Variants in ATP6V0D1 observed in about 807,000 individuals in gnomAD.
ATP6V0D1 encodes ATPase H+ transporting V0 subunit d1.
A neutral mutation model predicts 39.0 loss-of-function variants in ATP6V0D1; 13 were observed. The ratio of observed to expected loss-of-function variants is 0.33; its 90% CI spans 0.22 to 0.53. The LOEUF is 0.53. Ranked by LOEUF, ATP6V0D1 falls within the 20% of genes least tolerant of loss-of-function variation. ATP6V0D1 has a pLI of 0.94. For synonymous variants in ATP6V0D1, 191 were observed against 191.2 expected (o/e 1.00, Z 0.01); for missense variants, 272 against 470.9 (o/e 0.58, Z 3.91).
intron 1 of ATP6V0D1, chr16:67,455,585 A>G (rs905762169): frequency 5.9e-5 from 9 of 152,120 alleles, no homozygotes; most frequent in Non-Finnish European, 1.3e-4. Flanking sequence ...CTTTTCTCCC[A>G]TGGCCACCCA....
At chr16:67,439,241 C>T in intron 5 of ATP6V0D1, 33 bp downstream of exon 5, 2 of 1,614,042 alleles carry the variant, frequency 1.2e-6, no homozygotes, top group South Asian at 2.2e-5. Context: ...GGCTAGCGGG[C>T]ACCAGCAGGC....
In ATP6V0D1 at chr16:67,444,484, G is replaced by T; in HGVS notation, c.481+44C>A. 6.5e-7 allele frequency: 1 copy of T among 1,547,842 alleles called. No homozygotes were observed. ...ACAAACCCCACCCTGATGCGCTGAT[G>T]CTGACACCACTGCCCACCTCCCATG... On this transcript the variant is annotated intron_variant, in intron 3 of 7. Transcript: ENST00000290949. The surrounding 1 kb of genome is among the most constrained non-coding windows in gnomAD (Gnocchi z 4.8).
At chr16:67,446,744 C>T (rs932911717) in intron 2 of ATP6V0D1, among the ~76,000 whole-genome samples, 2 of 152,186 alleles carry the variant, frequency 1.3e-5, no homozygotes, top group African/African-American at 4.8e-5. Context: ...CTTGGTGCTC[C>T]CTGAGACAGT....
intron 1 of ATP6V0D1, among the ~76,000 whole-genome samples, chr16:67,463,762 C>T (rs2041307761): frequency 6.6e-6 from 1 of 152,212 alleles, no homozygotes; most frequent in African/African-American, 2.4e-5. Flanking sequence ...AGGACCCCAC[C>T]CACCCTGCCT....
intron 1 of ATP6V0D1, among the ~76,000 whole-genome samples, chr16:67,480,254 G>A (rs2041457158): frequency 6.6e-6 from 1 of 150,952 alleles, no homozygotes; most frequent in East Asian, 1.9e-4. Flanking sequence ...TGTGTGCTGA[G>A]AAGAAAGGGG....
At chr16:67,460,188 G>C (rs570644621) in intron 1 of ATP6V0D1, among the ~76,000 whole-genome samples, 1 of 152,336 alleles carries the variant, frequency 6.6e-6, no homozygotes, top group East Asian at 1.9e-4. Flanking sequence ...GCCTGGCTGA[G>C]AAGTCGGCTT....
chr16:67,453,571 G>A lies in ATP6V0D1; in HGVS notation c.275C>T (p.Pro92Leu). The A allele has an allele frequency of 6.2e-7, 1 of 1,614,184 alleles. No individual in the cohort carries two copies. The highest frequency in any genetic ancestry group is 8.5e-7 in the Non-Finnish European group (1 of 1,180,028). ...AATGAAGTCTAGGAAGCTGGCGAGTGGCTCATAGGCATGGTTCCTCATGTG... is the reference window on the plus strand; with the variant it reads ...AATGAAGTCTAGGAAGCTGGCGAGTAGCTCATAGGCATGGTTCCTCATGTG... ...FRHMRNHAYE[P>L]LASFLDFITY... Residue 92 changes from proline (P) to leucine (L), a missense_variant, in exon 2 of 8, where the codon CCA becomes CTA. By Grantham distance (98) the Pro-to-Leu change is moderately conservative. Coordinates refer to ENST00000290949, the MANE Select transcript of ATP6V0D1 (RefSeq NM_004691.5). The surrounding 1 kb of genome is among the most constrained non-coding windows in gnomAD (Gnocchi z 4.1).
At chr16:67,442,011 A>T (rs548766464) in intron 4 of ATP6V0D1, among the ~76,000 whole-genome samples, 1 of 152,290 alleles carries the variant, frequency 6.6e-6, no homozygotes, top group Non-Finnish European at 1.5e-5. Flanking sequence ...TTTCTTCTAG[A>T]CTTCTCCCCT....
intron 2 of ATP6V0D1, among the ~76,000 whole-genome samples, chr16:67,449,537 G>A (rs1185494199): frequency 6.6e-6 from 1 of 152,242 alleles, no homozygotes; most frequent in African/African-American, 2.4e-5. Flanking sequence ...AGCACATGAC[G>A]ACAGTCTACT....
At chr16:67,480,653 T>G (rs2142340871) in intron 1 of ATP6V0D1, among the ~76,000 whole-genome samples, 1 of 152,102 alleles carries the variant, frequency 6.6e-6, no homozygotes, top group Middle Eastern at 3.4e-3. Context: ...TGGCCACACC[T>G]CGCACCGACC....
intron 1 of ATP6V0D1, among the ~76,000 whole-genome samples, chr16:67,470,928 C>T (rs1458900460): frequency 6.6e-6 from 1 of 152,168 alleles, no homozygotes; most frequent in African/African-American, 2.4e-5. Flanking sequence ...TCCTTCATCC[C>T]CCCTCATTCC....
intron 1 of ATP6V0D1, among the ~76,000 whole-genome samples, chr16:67,471,426 G>A (rs941934598): frequency 1.3e-5 from 2 of 152,028 alleles, no homozygotes; most frequent in African/African-American, 2.4e-5. Flanking sequence ...CTGACCTCAA[G>A]CGATCTACCT....
intron 1 of ATP6V0D1, among the ~76,000 whole-genome samples, chr16:67,466,378 A>ACACAC (rs1429363816): frequency 7.4e-6 from 1 of 134,388 alleles, no homozygotes; most frequent in African/African-American, 2.8e-5. Context: ...CACACACACA[A>ACACAC]AATTAGCCAG....
chr16:67,476,102 G>A (rs367774444), intron 1 of ATP6V0D1, among the ~76,000 whole-genome samples: 2 of 152,166 alleles, frequency 1.3e-5, no homozygotes, highest in African/African-American at 2.4e-5. Context: ...TAGGCCTGTA[G>A]TCACAGCTAC....
At chr16:67,455,339 C>G (rs966040884) in intron 1 of ATP6V0D1, 4 of 152,326 alleles carry the variant, frequency 2.6e-5, no homozygotes, top group Non-Finnish European at 5.9e-5. Context: ...TGTACTCCAT[C>G]AGGAGAAGAC....
intron 1 of ATP6V0D1, among the ~76,000 whole-genome samples, chr16:67,463,523 TGAAAGAAACAAA>T: frequency 7.5e-6 from 1 of 134,186 alleles, no homozygotes; most frequent in East Asian, 2.2e-4. Context: ...GACTCTTTCA[TGAAAGAAACAAA>T]GAAAGAAAAA....
chr16:67,479,502 C>G (rs2041445792), intron 1 of ATP6V0D1, among the ~76,000 whole-genome samples: 1 of 152,084 alleles, frequency 6.6e-6, no homozygotes, highest in South Asian at 2.1e-4. Context: ...CGTGAGCCAC[C>G]GCGCCTGGCC....
At chr16:67,450,704 C>T (rs1045969982) in intron 2 of ATP6V0D1, among the ~76,000 whole-genome samples, 1 of 152,122 alleles carries the variant, frequency 6.6e-6, no homozygotes, top group African/African-American at 2.4e-5. Flanking sequence ...AAGTTTAGGT[C>T]CCACGAGATG....
intron 1 of ATP6V0D1, chr16:67,455,995 C>G (rs201648622): frequency 2.0e-5 from 3 of 150,600 alleles, no homozygotes; most frequent in Admixed American, 6.6e-5. Flanking sequence ...AGTATGCAAG[C>G]CTTTTTTTTT....
Sources: allele counts gnomAD v4.1 joint callset (sites outside exome capture counted in the v4.1 genomes callset), GRCh38; gene constraint gnomAD v4.1.1; non-coding constraint Gnocchi (gnomAD v3.1); transcripts MANE v1.5; gene names NCBI Gene and HGNC (gene_info 2026-07-23, HGNC 2026-07-21).